Variants in TUSC3 observed in about 807,000 individuals in gnomAD.
TUSC3 encodes the protein dolichyl-diphosphooligosaccharide--protein glycosyltransferase subunit TUSC3.
A neutral mutation model predicts 44.8 loss-of-function variants in TUSC3; 45 were observed. The ratio of observed to expected loss-of-function variants is 1.00; its 90% CI spans 0.79 to 1.29. The LOEUF is 1.29. TUSC3 is among the 50% of genes most tolerant of loss of function. The pLI, the probability that TUSC3 is intolerant of heterozygous loss-of-function variation, is 0.00. For synonymous variants in TUSC3, 212 were observed against 152.9 expected, an observed-to-expected ratio of 1.39 and a Z score of -2.85; for missense variants, 519 against 437.9, an observed-to-expected ratio of 1.19 and a Z score of -1.65.
At chr8:15,560,348 T>C (rs1802412897) in intron 1 of TUSC3, among the ~76,000 whole-genome samples, 1 of 138,852 alleles carries the variant, frequency 7.2e-6, no homozygotes, top group African/African-American at 2.6e-5. Flanking sequence ...CTCTTCTGGC[T>C]TGTAGGGTTT....
the TUSC3 span, among the ~76,000 whole-genome samples, chr8:15,816,973 A>G: frequency 6.6e-6 from 1 of 152,204 alleles, no homozygotes; most frequent in Non-Finnish European, 1.5e-5. Context: ...ATTTTGTTGC[A>G]GGATAAAATA....
intron 1 of TUSC3, among the ~76,000 whole-genome samples, chr8:15,576,396 G>C (rs1318233570): frequency 2.0e-5 from 3 of 147,908 alleles, no homozygotes; most frequent in African/African-American, 7.5e-5. Context: ...TGCCATGCTG[G>C]TGCGCTGCAC....
upstream of TUSC3, chr8:15,540,145 C>T: frequency 1.0e-5 from 4 of 396,608 alleles, no homozygotes; most frequent in Non-Finnish European, 1.8e-5. Context: ...CCGGGAAAGG[C>T]AAGCTCCGGG....
intron 2 of TUSC3, among the ~76,000 whole-genome samples, chr8:15,636,459 C>T (rs1482961545): frequency 6.6e-6 from 1 of 152,070 alleles, no homozygotes; most frequent in Non-Finnish European, 1.5e-5. Context: ...CCAAGTAGAC[C>T]AACCCCAGAA....
the TUSC3 span, among the ~76,000 whole-genome samples, chr8:15,843,265 G>A: frequency 6.6e-6 from 1 of 152,040 alleles, no homozygotes; most frequent in African/African-American, 2.4e-5. Flanking sequence ...CTGTACAACA[G>A]TATTCAAAAA....
At chr8:15,845,880 C>A in the TUSC3 span, among the ~76,000 whole-genome samples, 2 of 152,210 alleles carry the variant, frequency 1.3e-5, no homozygotes, top group East Asian at 3.9e-4. Context: ...GAAGACATAC[C>A]TGAGACTGGA....
intron 6 of TUSC3, among the ~76,000 whole-genome samples, chr8:15,719,519 CACA>C: frequency 8.1e-5 from 1 of 12,284 alleles, no homozygotes. Context: ...ACACACACCA[CACA>C]CACACACACA....
At chr8:15,735,897 T>TG (rs1271374604) in intron 7 of TUSC3, among the ~76,000 whole-genome samples, 3 of 150,520 alleles carry the variant, frequency 2.0e-5, no homozygotes, top group Non-Finnish European at 4.4e-5. Context: ...TTTTGGTTTT[T>TG]TTTTGTATTT....
intron 1 of TUSC3, among the ~76,000 whole-genome samples, chr8:15,568,104 T>C (rs1048262332): frequency 1.3e-5 from 2 of 152,150 alleles, no homozygotes; most frequent in Admixed American, 6.5e-5. Flanking sequence ...AGAGCCATTC[T>C]CTGAGATTTG....
At chr8:15,647,874 C>G (rs1237779227) in intron 2 of TUSC3, among the ~76,000 whole-genome samples, 3 of 152,154 alleles carry the variant, frequency 2.0e-5, no homozygotes, top group Non-Finnish European at 4.4e-5. Context: ...AGTCCATTCC[C>G]AATCTCATTG....
intron 1 of TUSC3, among the ~76,000 whole-genome samples, chr8:15,441,739 A>G (rs1403433388): frequency 6.6e-6 from 1 of 151,834 alleles, no homozygotes; most frequent in Non-Finnish European, 1.5e-5. Context: ...AACAGGGGGT[A>G]TGTATTGAAG....
chr8:15,722,735 A>T (rs1457708171), intron 6 of TUSC3, among the ~76,000 whole-genome samples: 1 of 152,082 alleles, frequency 6.6e-6, no homozygotes, highest in Admixed American at 6.6e-5. Context: ...TTCCAATGGA[A>T]AATTTTTGTT....
chr8:15,596,818 C>T (rs1218206682), intron 1 of TUSC3, among the ~76,000 whole-genome samples: 1 of 151,904 alleles, frequency 6.6e-6, no homozygotes. Context: ...TTTCTCCCTT[C>T]CCTAAATGTT....
At chr8:15,616,093 G>T (rs1173376680) in intron 1 of TUSC3, among the ~76,000 whole-genome samples, 1 of 152,156 alleles carries the variant, frequency 6.6e-6, no homozygotes, top group East Asian at 1.9e-4. Flanking sequence ...GAGTAGGAAG[G>T]TATAATAAAA....
At chr8:15,681,408 T>A (rs1328001138) in intron 6 of TUSC3, among the ~76,000 whole-genome samples, 1 of 152,066 alleles carries the variant, frequency 6.6e-6, no homozygotes, top group Non-Finnish European at 1.5e-5. Context: ...TGGAAGAGTG[T>A]ATGTTTCCAG....
At chr8:15,558,711 A>T (rs1022464916) in intron 1 of TUSC3, among the ~76,000 whole-genome samples, 20 of 121,170 alleles carry the variant, frequency 1.7e-4, no homozygotes, top group Non-Finnish European at 8.9e-5. Context: ...TCAGAGATTC[A>T]ACTTCTTCCT....
chr8:15,757,909 A>G (rs1811999724), intron 10 of TUSC3, 54 bp downstream of exon 10: 1 of 1,450,098 alleles, frequency 6.9e-7, no homozygotes, highest in Non-Finnish European at 9.7e-7. Context: ...TCAAATATAG[A>G]GAGTATAACA....
chr8:15,725,008 G>T (rs1398409068), intron 6 of TUSC3, among the ~76,000 whole-genome samples: 1 of 151,806 alleles, frequency 6.6e-6, no homozygotes, highest in African/African-American at 2.4e-5. Flanking sequence ...TCATCATTTG[G>T]GTATCATCCA....
intron 2 of TUSC3, among the ~76,000 whole-genome samples, chr8:15,638,507 CTTTTTTTCT>C (rs1806196521): frequency 1.8e-5 from 2 of 112,666 alleles, no homozygotes; most frequent in Admixed American, 1.1e-4. Flanking sequence ...CTTTTTTTTT[CTTTTTTTCT>C]TTTTTTTTTT....
Sources: allele counts gnomAD v4.1 joint callset (sites outside exome capture counted in the v4.1 genomes callset), GRCh38; gene constraint gnomAD v4.1.1; transcripts MANE v1.5; gene names NCBI Gene and HGNC (gene_info 2026-07-23, HGNC 2026-07-21).